FAT1: variants seen among roughly 807,000 people sequenced by gnomAD.
FAT1 encodes the protein FAT atypical cadherin 1.
A neutral mutation model predicts 329.8 loss-of-function variants in FAT1; 171 were observed. That is an observed-to-expected ratio of 0.52 (90% CI 0.46 to 0.59). The LOEUF (loss-of-function observed/expected upper bound fraction) is 0.59. Among genes scored for constraint, FAT1 ranks in the 20% least tolerant of loss-of-function variants. The probability of loss-of-function intolerance (pLI) is 0.00; values close to 1 mark genes in which losing one functional copy is unlikely to be tolerated. For missense variants in FAT1, 5,672 were observed against 5,774.4 expected (o/e 0.98, Z 0.57); for synonymous variants, 2,233 against 2,228.6 (o/e 1.00, Z -0.06).
intron 1 of FAT1, among the ~76,000 whole-genome samples, chr4:186,714,480 A>T (rs894650916): frequency 3.3e-5 from 5 of 152,108 alleles, no homozygotes; most frequent in African/African-American, 9.7e-5. Flanking sequence ...TGGGCAGCAG[A>T]TATGTGGGAG....
In FAT1 at chr4:186,603,483, A is replaced by G. The variant is rs766386938; in HGVS notation, c.11043T>C (p.Val3681=). 9 of 1,613,900 alleles carry G rather than the reference A, an allele frequency of 5.6e-6. No homozygotes were observed. The African/African-American group carries it at 1.2e-4, about 22-fold the overall frequency. Residue 3681 remains valine (V), a synonymous_variant, in exon 19 of 27, where the codon GTT becomes GTC. Coordinates refer to ENST00000441802, the MANE Select transcript of FAT1 (RefSeq NM_005245.4). ...LGVRRNDIQI[V]SLQSSEPHPH... is the part of the protein sequence containing the mutation. ...GGTGAGGTTCAGAGGACTGCAAACT[A>G]ACAATCTGTATGTCGTTCCTCCTCA...
chr4:186,610,638 T>TTATA (rs199646457), intron 14 of FAT1, among the ~76,000 whole-genome samples: 11 of 91,864 alleles, frequency 1.2e-4, no homozygotes, highest in Admixed American at 3.0e-4. Flanking sequence ...ATTATATAAT[T>TTATA]TATATAATTT....
At position 186,617,845 on chromosome 4, in the gene FAT1, C is replaced by CTA; in HGVS notation, c.8739_8740dup (p.Ser2914IlefsTer15). ...GATCTCGGCCGTGAATCGTGGTGGA[C>CTA]TATCGTTGACATCGGTGACGGTAAC... On this transcript the variant is annotated frameshift_variant, in exon 10 of 27. Coordinates refer to ENST00000441802, the MANE Select transcript of FAT1 (RefSeq NM_005245.4). LOFTEE classifies it high-confidence loss of function. 2 of 1,613,740 alleles carry CTA rather than the reference C, an allele frequency of 1.2e-6. No homozygotes were observed. Among genetic ancestry groups the CTA allele is most frequent in the Non-Finnish European group, 1.7e-6 (2 of 1,179,814 alleles).
intron 2 of FAT1, among the ~76,000 whole-genome samples, chr4:186,685,229 A>ATTAT (rs1743405434): frequency 6.6e-6 from 1 of 152,230 alleles, no homozygotes. Flanking sequence ...AGGAAGAATA[A>ATTAT]GTCTTACATT....
chr4:186,725,986 A>G (rs990225841), upstream of FAT1, among the ~76,000 whole-genome samples: 7 of 152,252 alleles, frequency 4.6e-5, no homozygotes, highest in African/African-American at 1.7e-4. The surrounding 1 kb of genome is among the most constrained non-coding windows in gnomAD (Gnocchi z 5.4). Flanking sequence ...GAACCCTGCA[A>G]GGAGCGCGCC....
chr4:186,639,867 G>A, intron 3 of FAT1, 84 bp from the exon 4 acceptor site: 1 of 1,174,734 alleles, frequency 8.5e-7, no homozygotes, highest in Non-Finnish European at 1.3e-6. Flanking sequence ...TCTTGGCCAG[G>A]TGCGGTAGCT....
intron 1 of FAT1, among the ~76,000 whole-genome samples, chr4:186,713,659 A>AT (rs1482526026): frequency 2.6e-5 from 4 of 151,628 alleles, no homozygotes; most frequent in Admixed American, 6.6e-5. Context: ...TATTTATTCA[A>AT]TTTTTTTTCT....
At chr4:186,624,712 C>T (rs756003707) in intron 9 of FAT1, among the ~76,000 whole-genome samples, 6 of 152,192 alleles carry the variant, frequency 3.9e-5, no homozygotes, top group Non-Finnish European at 8.8e-5. Context: ...GTGTTACGTA[C>T]TGAATTTGTA....
rs770823627 is a variant in FAT1, at chr4:186,708,282, T to A, written c.1546A>T (p.Thr516Ser). 1 of 1,613,866 alleles carries A rather than the reference T, an allele frequency of 6.2e-7. No homozygotes were observed. Among genetic ancestry groups the A allele is most frequent in the South Asian group, 1.1e-5 (1 of 91,070 alleles). Residue 516 changes from threonine to serine, a missense_variant, in exon 2 of 27, where the codon ACT becomes TCT. Thr to Ser is a moderately conservative substitution (Grantham distance 58, BLOSUM62 1). This residue lies in a region of FAT1 where 3,966 missense variants were observed against 3,915.2 expected (regional missense o/e 1.01). Transcript: ENST00000441802. ...NHVPFAIDHF[T>S]GAVSTSENLD... is the part of the protein sequence containing the mutation. ...TTTTCTGACGTACTCACGGCACCAG[T>A]GAAATGGTCAATCGCAAACGGCACA...
chr4:186,706,823 C>T lies in FAT1; in HGVS notation c.3005G>A (p.Arg1002Lys), dbSNP rs760810281. The change falls in exon 2 of 27, where the codon AGG becomes AAG. Residue 1002 changes from arginine to lysine, a missense_variant. Physicochemically the swap from Arg to Lys is conservative, Grantham distance 26. This residue lies in a region of FAT1 where 3,966 missense variants were observed against 3,915.2 expected (regional missense o/e 1.01). Coordinates refer to ENST00000441802, the MANE Select transcript of FAT1 (RefSeq NM_005245.4). Reference protein sequence around the residue: ...EKKQVYNLTVRAKDKGKPVSL... With the variant: ...EKKQVYNLTVKAKDKGKPVSL... ...AACTGGCTTTCCCTTGTCTTTGGCC[C>T]TCACAGTGAGATTATACACTTGCTT... The T allele has an allele frequency of 6.2e-7, 1 of 1,613,976 alleles. No homozygotes were observed.
rs1461730588 is a variant in FAT1, at chr4:186,621,597, G to C, written c.4989C>G (p.Ala1663=). 1 of 1,614,008 alleles carries C rather than the reference G, an allele frequency of 6.2e-7. No individual in the cohort carries two copies. The highest frequency in any genetic ancestry group is 8.5e-7 in the Non-Finnish European group (1 of 1,179,898). Residue 1663 remains alanine (A), a synonymous_variant, in exon 10 of 27, where the codon GCC becomes GCG. Transcript: ENST00000441802. ...VRIFVTIADN[A]SPKFTSKEYS... ...ATTCTTTTGATGTAAACTTCGGAGA[G>C]GCGTTGTCAGCAATTGTGACAAAGA...
intron 1 of FAT1, among the ~76,000 whole-genome samples, chr4:186,717,035 G>C (rs1056107207): frequency 1.3e-5 from 2 of 152,024 alleles, no homozygotes; most frequent in African/African-American, 4.8e-5. Context: ...CCAAAGTGCT[G>C]GGATTACAGG....
At chr4:186,658,350 A>G (rs1417210946) in intron 3 of FAT1, among the ~76,000 whole-genome samples, 1 of 152,170 alleles carries the variant, frequency 6.6e-6, no homozygotes, top group African/African-American at 2.4e-5. Context: ...AGTTCACTCA[A>G]ACTTGTGGTT....
In FAT1 at chr4:186,636,752, C is replaced by G. The variant is rs771418122; in HGVS notation, c.3805G>C (p.Glu1269Gln). Reference protein sequence around the residue: ...KPDRERNARREPLYHVIATDK... With the variant: ...KPDRERNARRQPLYHVIATDK... ...GTGGCTATGACGTGATAGAGCGGCTCCCGTCTGGCATTTCTTTCTCGGTCT... is the reference window on the plus strand; with the variant it reads ...GTGGCTATGACGTGATAGAGCGGCTGCCGTCTGGCATTTCTTTCTCGGTCT... The change falls in exon 5 of 27, where the codon GAG becomes CAG. Residue 1269 changes from glutamate to glutamine, a missense_variant. Transcript: ENST00000441802. 1 of 1,613,878 alleles carries G rather than the reference C, an allele frequency of 6.2e-7. No individual in the cohort carries two copies. The highest frequency in any genetic ancestry group is 8.5e-7 in the Non-Finnish European group (1 of 1,179,868).
intron 1 of FAT1, among the ~76,000 whole-genome samples, chr4:186,714,220 C>T (rs934149976): frequency 2.0e-5 from 3 of 151,700 alleles, no homozygotes; most frequent in Non-Finnish European, 4.4e-5. Context: ...TGGGCTGGGG[C>T]ACAACGGGGG....
chr4:186,712,762 C>T (rs1272015036), intron 1 of FAT1, among the ~76,000 whole-genome samples: 2 of 152,090 alleles, frequency 1.3e-5, no homozygotes, highest in Admixed American at 1.3e-4. Flanking sequence ...TGGTCCCCAC[C>T]AGCATGAAGC....
chr4:186,613,352 A>C lies in FAT1; in HGVS notation c.9230-10T>G. The C allele has an allele frequency of 6.3e-7, 1 of 1,599,910 alleles. No individual in the cohort carries two copies. The highest frequency in any genetic ancestry group is 1.1e-5 in the South Asian group (1 of 90,820). ...GACGTTTTCAGTTCACCTACAAACA[A>C]AAACAAATGGACTCACTTGTAATTT... On this transcript the variant is annotated splice_polypyrimidine_tract_variant and intron_variant, in intron 12 of 26. Transcript: ENST00000441802.
intron 2 of FAT1, among the ~76,000 whole-genome samples, chr4:186,688,077 C>CG (rs1449421936): frequency 1.0e-4 from 15 of 142,990 alleles, no homozygotes; most frequent in South Asian, 6.9e-4. Context: ...GAGGGGAGTT[C>CG]GCTAATTCTG....
chr4:186,698,711 T>G (rs1209163554), intron 2 of FAT1, among the ~76,000 whole-genome samples: 1 of 151,706 alleles, frequency 6.6e-6, no homozygotes, highest in African/African-American at 2.4e-5. Context: ...GAAGCACGGG[T>G]GATGTTAAAT....
Sources: allele counts gnomAD v4.1 joint callset (sites outside exome capture counted in the v4.1 genomes callset), GRCh38; gene constraint gnomAD v4.1.1; regional missense constraint gnomAD v4.1.1; non-coding constraint Gnocchi (gnomAD v3.1); transcripts MANE v1.5; gene names NCBI Gene and HGNC (gene_info 2026-07-23, HGNC 2026-07-21).